The following PBRM1 variants were observed in gnomAD, a reference collection of about 807,000 sequenced individuals.
The protein encoded by PBRM1 is protein polybromo-1.
Under a neutral mutation model 194.5 loss-of-function variants are expected in PBRM1, and 27 were observed. That is an observed-to-expected ratio of 0.14 (90% CI 0.10 to 0.19). The LOEUF (loss-of-function observed/expected upper bound fraction) is 0.19, where lower values mean the gene tolerates loss of function less well. PBRM1 is among the 10% of genes least tolerant of loss of function. The pLI, the probability that PBRM1 is intolerant of heterozygous loss-of-function variation, is 1.00. For synonymous variants in PBRM1, 655 were observed against 693.2 expected (o/e 0.94, Z 0.87); for missense variants, 1,466 against 2,077.2 (o/e 0.71, Z 5.72).
upstream of PBRM1, chr3:52,682,310 A>C (rs1374136587): frequency 6.6e-6 from 1 of 152,096 alleles, no homozygotes; most frequent in Non-Finnish European, 1.5e-5. Context: ...AAATTCAGAG[A>C]AAGAACATTT....
intron 18 of PBRM1, among the ~76,000 whole-genome samples, chr3:52,587,977 G>C (rs1030254586): frequency 6.6e-6 from 1 of 151,816 alleles, no homozygotes; most frequent in African/African-American, 2.4e-5. Flanking sequence ...ACCACAGCAA[G>C]TGCAATCACA....
At chr3:52,679,047 T>C (rs146952134) in intron 1 of PBRM1, among the ~76,000 whole-genome samples, 114 of 152,292 alleles carry the variant, frequency 7.5e-4, no homozygotes, top group African/African-American at 2.6e-3. Context: ...TTCCTTCTCC[T>C]TCCTGACCAT....
intron 22 of PBRM1, among the ~76,000 whole-genome samples, chr3:52,575,508 C>CTTTTTTT (rs1177139118): frequency 8.0e-5 from 7 of 87,158 alleles, no homozygotes; most frequent in South Asian, 3.9e-4. Flanking sequence ...AATCAATTGT[C>CTTTTTTT]TTTTTTTTTT....
intron 16 of PBRM1, among the ~76,000 whole-genome samples, chr3:52,604,164 A>C (rs1046577270): frequency 1.3e-5 from 2 of 152,104 alleles, no homozygotes; most frequent in Non-Finnish European, 2.9e-5. Flanking sequence ...AATAGGCTCT[A>C]TTTTCTTCCT....
At chr3:52,677,666 G>A (rs192729561) in intron 2 of PBRM1, among the ~76,000 whole-genome samples, 141 of 152,090 alleles carry the variant, frequency 9.3e-4, no homozygotes, top group Non-Finnish European at 1.5e-3. Flanking sequence ...ACCCGCCTTC[G>A]CCTCCCAAAG....
intron 4 of PBRM1, among the ~76,000 whole-genome samples, chr3:52,660,600 C>T (rs1219724405): frequency 6.6e-6 from 1 of 151,996 alleles, no homozygotes; most frequent in African/African-American, 2.4e-5. Context: ...GCAACCTCTG[C>T]CTCCCGGGTT....
At chr3:52,575,036 G>A (rs2088984498) in intron 22 of PBRM1, among the ~76,000 whole-genome samples, 1 of 151,962 alleles carries the variant, frequency 6.6e-6, no homozygotes, top group Admixed American at 6.6e-5. Flanking sequence ...TGAGTAGCTG[G>A]GACCATGGAT....
intron 13 of PBRM1, among the ~76,000 whole-genome samples, chr3:52,624,222 A>G (rs1188109880): frequency 6.6e-6 from 1 of 152,180 alleles, no homozygotes; most frequent in East Asian, 1.9e-4. Flanking sequence ...CTTGGCCTAT[A>G]TGTTCCTGGC....
intron 2 of PBRM1, among the ~76,000 whole-genome samples, chr3:52,672,834 C>A (rs1174392059): frequency 1.3e-5 from 2 of 151,586 alleles, no homozygotes; most frequent in African/African-American, 4.9e-5. Flanking sequence ...TATATTTTGA[C>A]AGCAAGAGAG....
chr3:52,569,591 TATTAAAG>T (rs2086408036), intron 22 of PBRM1, among the ~76,000 whole-genome samples: 1 of 152,218 alleles, frequency 6.6e-6, no homozygotes, highest in African/African-American at 2.4e-5. Context: ...AATGGGATCA[TATTAAAG>T]ATTAATTTAG....
chr3:52,627,957 C>T (rs1475122802), intron 12 of PBRM1, among the ~76,000 whole-genome samples: 1 of 152,104 alleles, frequency 6.6e-6, no homozygotes, highest in East Asian at 1.9e-4. Flanking sequence ...CTAAAATTGC[C>T]TTTGTTGCTT....
At chr3:52,676,851 G>C (rs2154046296) in intron 2 of PBRM1, among the ~76,000 whole-genome samples, 1 of 152,318 alleles carries the variant, frequency 6.6e-6, no homozygotes, top group African/African-American at 2.4e-5. Flanking sequence ...GAACTTGCTG[G>C]GAATTGGAGT....
At chr3:52,674,643 A>AAATATAT (rs1193129880) in intron 2 of PBRM1, among the ~76,000 whole-genome samples, 5 of 72,388 alleles carry the variant, frequency 6.9e-5, no homozygotes, top group African/African-American at 2.0e-4. Context: ...AAAAAAAAAA[A>AAATATAT]ATATATATAT....
chr3:52,679,002 G>A (rs1055812110), intron 1 of PBRM1, among the ~76,000 whole-genome samples: 1 of 152,108 alleles, frequency 6.6e-6, no homozygotes, highest in African/African-American at 2.4e-5. Flanking sequence ...GCTTGTGTGG[G>A]CCCTACATAC....
At chr3:52,675,037 A>G (rs1275215363) in intron 2 of PBRM1, among the ~76,000 whole-genome samples, 1 of 152,156 alleles carries the variant, frequency 6.6e-6, no homozygotes, top group Non-Finnish European at 1.5e-5. Flanking sequence ...AACTAAAATC[A>G]TAAAGAGGAG....
At chr3:52,636,199 T>A (rs1577207812) in intron 10 of PBRM1, among the ~76,000 whole-genome samples, 1 of 152,232 alleles carries the variant, frequency 6.6e-6, no homozygotes, top group Non-Finnish European at 1.5e-5. Flanking sequence ...TCAGACATGA[T>A]TTAGCCTTAA....
At chr3:52,676,495 C>T (rs1355959044) in intron 2 of PBRM1, among the ~76,000 whole-genome samples, 5 of 152,126 alleles carry the variant, frequency 3.3e-5, no homozygotes, top group African/African-American at 9.7e-5. Flanking sequence ...TGCCTTTCAC[C>T]TCCCACCATG....
At chr3:52,646,967 A>G (rs891014382) in intron 7 of PBRM1, among the ~76,000 whole-genome samples, 2 of 152,200 alleles carry the variant, frequency 1.3e-5, no homozygotes, top group African/African-American at 4.8e-5. Flanking sequence ...AAAAGTGAAA[A>G]GACAAGAGAA....
At chr3:52,645,836 T>G (rs2096274779) in intron 7 of PBRM1, among the ~76,000 whole-genome samples, 2 of 152,288 alleles carry the variant, frequency 1.3e-5, no homozygotes. Context: ...CAATTTAAAC[T>G]TATGAAGTGC....
Sources: gnomAD v4.1 joint callset for allele counts (sites outside exome capture counted in the v4.1 genomes callset) on GRCh38, gnomAD v4.1.1 for gene constraint, MANE v1.5 for transcripts, NCBI Gene and HGNC (gene_info 2026-07-23, HGNC 2026-07-21) for gene names.